Variants in ERBB4 observed in about 807,000 individuals in gnomAD.
The protein encoded by ERBB4 is erb-b2 receptor tyrosine kinase 4, also known as receptor tyrosine-protein kinase erbB-4.
In ERBB4, 42 loss-of-function variants were observed where a neutral mutation model predicts 158.0. The observed-to-expected ratio is 0.27, with a 90% CI of 0.21 to 0.34. ERBB4 has a LOEUF of 0.34. ERBB4 is among the 10% of genes least tolerant of loss of function. The pLI, the probability that ERBB4 is intolerant of heterozygous loss-of-function variation, is 1.00. For missense variants in ERBB4, 1,333 were observed against 1,624.1 expected, an observed-to-expected ratio of 0.82 and a Z score of 3.08; for synonymous variants, 583 against 558.7, an observed-to-expected ratio of 1.04 and a Z score of -0.61.
chr2:211,713,847 A>G (rs1339180588), intron 7 of ERBB4, among the ~76,000 whole-genome samples, 199 bp from the exon 8 acceptor site: 1 of 152,150 alleles, frequency 6.6e-6, no homozygotes, highest in Non-Finnish European at 1.5e-5. Context: ...GTTAACAACA[A>G]CTAGTACTTG....
chr2:212,063,542 A>G (rs1005955957), intron 2 of ERBB4, among the ~76,000 whole-genome samples: 10 of 152,134 alleles, frequency 6.6e-5, no homozygotes, highest in African/African-American at 2.2e-4. Flanking sequence ...CTAGAAAAAT[A>G]TAAATGTATA....
At chr2:212,065,923 C>T (rs534882410) in intron 2 of ERBB4, among the ~76,000 whole-genome samples, 2 of 152,008 alleles carry the variant, frequency 1.3e-5, no homozygotes, top group South Asian at 2.1e-4. Context: ...AGTTCTGAAC[C>T]GGAATTATTT....
chr2:211,913,019 G>C (rs1328705902), intron 3 of ERBB4, among the ~76,000 whole-genome samples: 2 of 152,076 alleles, frequency 1.3e-5, no homozygotes, highest in Non-Finnish European at 2.9e-5. Context: ...CCAACATTCT[G>C]TTTATAACCT....
intron 1 of ERBB4, among the ~76,000 whole-genome samples, chr2:212,234,061 A>G (rs2083763047): frequency 6.6e-6 from 1 of 151,858 alleles, no homozygotes; most frequent in Non-Finnish European, 1.5e-5. Flanking sequence ...AGGTATACAC[A>G]TGCCATGGTT....
At chr2:211,563,150 G>C (rs1432332686) in intron 19 of ERBB4, among the ~76,000 whole-genome samples, 1 of 152,106 alleles carries the variant, frequency 6.6e-6, no homozygotes, top group African/African-American at 2.4e-5. Context: ...TGGTTATTTA[G>C]TGCATACCAG....
At chr2:211,446,576 C>A (rs1416233574) in intron 20 of ERBB4, among the ~76,000 whole-genome samples, 10 of 152,092 alleles carry the variant, frequency 6.6e-5, no homozygotes, top group African/African-American at 2.4e-4. Flanking sequence ...TCTTCAAAGA[C>A]TTTCTTACTA....
intron 1 of ERBB4, among the ~76,000 whole-genome samples, chr2:212,133,037 G>C (rs1343137731): frequency 1.3e-5 from 2 of 151,926 alleles, no homozygotes; most frequent in African/African-American, 4.8e-5. Context: ...TCCTTCCTTG[G>C]GAGAGAAGGT....
intron 2 of ERBB4, among the ~76,000 whole-genome samples, chr2:211,993,577 A>AT (rs151240893): frequency 6.0e-4 from 89 of 149,084 alleles, no homozygotes; most frequent in East Asian, 2.2e-3. Context: ...CCAAATTGCT[A>AT]TTTTTTTTTT....
At chr2:211,548,130 TC>T (rs1351161273) in intron 20 of ERBB4, among the ~76,000 whole-genome samples, 1 of 152,074 alleles carries the variant, frequency 6.6e-6, no homozygotes, top group East Asian at 1.9e-4. Flanking sequence ...ATAGAGATTC[TC>T]TCTTACCCCT....
At chr2:211,982,641 T>G (rs1158330594) in intron 2 of ERBB4, among the ~76,000 whole-genome samples, 1 of 152,150 alleles carries the variant, frequency 6.6e-6, no homozygotes, top group Non-Finnish European at 1.5e-5. Context: ...TAGAATGCAG[T>G]GTGTTGTTCC....
At chr2:211,730,380 A>G (rs1040745738) in intron 5 of ERBB4, among the ~76,000 whole-genome samples, 4 of 152,038 alleles carry the variant, frequency 2.6e-5, no homozygotes, top group Non-Finnish European at 5.9e-5. Flanking sequence ...GCCCGTTAAC[A>G]ATAGAAATAA....
intron 2 of ERBB4, among the ~76,000 whole-genome samples, chr2:211,974,702 C>T (rs1463740968): frequency 2.0e-5 from 3 of 152,056 alleles, no homozygotes; most frequent in African/African-American, 7.2e-5. Flanking sequence ...CTGCAGTGAG[C>T]CAAGGTCTAA....
At chr2:211,808,631 G>A (rs569566653) in intron 3 of ERBB4, among the ~76,000 whole-genome samples, 1 of 152,166 alleles carries the variant, frequency 6.6e-6, no homozygotes, top group Admixed American at 6.5e-5. Flanking sequence ...GGTTCCTTAT[G>A]AACTTTAAAG....
intron 20 of ERBB4, among the ~76,000 whole-genome samples, chr2:211,502,576 CTA>C (rs2065643913): frequency 6.6e-6 from 1 of 152,128 alleles, no homozygotes; most frequent in African/African-American, 2.4e-5. Context: ...ATATCTCCCT[CTA>C]TAACTTGGAA....
chr2:211,481,316 G>T (rs1043666008), intron 20 of ERBB4, among the ~76,000 whole-genome samples: 1 of 152,108 alleles, frequency 6.6e-6, no homozygotes, highest in Non-Finnish European at 1.5e-5. Flanking sequence ...CTAAGAGATT[G>T]ATACTATCCC....
At chr2:212,076,246 G>A (rs983141698) in intron 2 of ERBB4, among the ~76,000 whole-genome samples, 4 of 151,424 alleles carry the variant, frequency 2.6e-5, no homozygotes, top group African/African-American at 4.8e-5. Flanking sequence ...TCTATATTTC[G>A]GACTTTAATT....
At chr2:212,196,768 A>G (rs1048451743) in intron 1 of ERBB4, among the ~76,000 whole-genome samples, 2 of 152,126 alleles carry the variant, frequency 1.3e-5, no homozygotes, top group Admixed American at 6.6e-5. Context: ...TCAAACTCTC[A>G]TAACTGCCCA....
At chr2:212,003,091 G>C (rs1322848882) in intron 2 of ERBB4, among the ~76,000 whole-genome samples, 1 of 118,992 alleles carries the variant, frequency 8.4e-6, no homozygotes, top group Non-Finnish European at 1.8e-5. Context: ...GAGAAAGAGA[G>C]ACAGAGACAG....
chr2:211,392,379 T>C (rs1036916056), intron 25 of ERBB4, among the ~76,000 whole-genome samples: 3 of 152,132 alleles, frequency 2.0e-5, no homozygotes, highest in Non-Finnish European at 2.9e-5. Context: ...TGTCCATATG[T>C]GCCAAACCCA....
Sources: gnomAD v4.1 joint callset for allele counts (sites outside exome capture counted in the v4.1 genomes callset) on GRCh38, gnomAD v4.1.1 for gene constraint, MANE v1.5 for transcripts, NCBI Gene and HGNC (gene_info 2026-07-23, HGNC 2026-07-21) for gene names.